Variants in SLC9A2 observed in about 807,000 individuals in gnomAD.
SLC9A2 encodes solute carrier family 9 member A2, also known as sodium/hydrogen exchanger 2.
SLC9A2 carries 42 observed loss-of-function variants against 71.7 expected under a neutral mutation model. The ratio of observed to expected loss-of-function variants is 0.59; its 90% CI spans 0.46 to 0.76. The LOEUF (loss-of-function observed/expected upper bound fraction) is 0.76. SLC9A2 is among the 30% of genes least tolerant of loss of function. SLC9A2 has a pLI of 0.00. For synonymous variants in SLC9A2, 396 were observed against 392.5 expected, an observed-to-expected ratio of 1.01 and a Z score of -0.10; for missense variants, 829 against 1,017.4, an observed-to-expected ratio of 0.81 and a Z score of 2.52.
intron 1 of SLC9A2, among the ~76,000 whole-genome samples, chr2:102,640,948 G>A (rs545349473): frequency 2.6e-5 from 4 of 152,286 alleles, no homozygotes; most frequent in South Asian, 2.1e-4. Context: ...AACCAGACAC[G>A]AAGACTGAAT....
intron 3 of SLC9A2, among the ~76,000 whole-genome samples, chr2:102,674,895 G>C (rs753036319): frequency 1.3e-5 from 2 of 152,120 alleles, no homozygotes; most frequent in Non-Finnish European, 2.9e-5. Context: ...TGAAACCAGG[G>C]TCACAGAGAA....
intron 1 of SLC9A2, among the ~76,000 whole-genome samples, chr2:102,634,057 A>C (rs1188564799): frequency 1.3e-5 from 2 of 152,212 alleles, no homozygotes; most frequent in Admixed American, 1.3e-4. Flanking sequence ...TACAGACTCA[A>C]TAAGTAATTA....
chr2:102,667,040 G>A (rs957253572), intron 3 of SLC9A2, among the ~76,000 whole-genome samples: 1 of 152,200 alleles, frequency 6.6e-6, no homozygotes, highest in Non-Finnish European at 1.5e-5. Flanking sequence ...GGTGGAGGAA[G>A]TCGAAGACCC....
Position 102,660,465 on chromosome 2 carries a change from ATAAACTAC to A in SLC9A2, c.753+2441_753+2448del, listed in dbSNP as rs574429581. 5.3e-5 allele frequency among the ~76,000 whole-genome samples: 8 copies of A among 152,354 alleles called. No individual in the cohort carries two copies. The South Asian group carries it at 1.7e-3, about 32-fold the overall frequency. On this transcript the variant is annotated intron_variant, in intron 2 of 11. Coordinates refer to ENST00000233969, the MANE Select transcript of SLC9A2 (RefSeq NM_003048.6). Reference sequence around the variant, plus strand: ...GGCATGCCCACAGGTTTGCCAAAGAATAAACTACTAGACGTTTCTCTCGCTGAATTGTC... The same window carrying A: ...GGCATGCCCACAGGTTTGCCAAAGAATAGACGTTTCTCTCGCTGAATTGTC...
chr2:102,650,330 G>C (rs1412915809), intron 1 of SLC9A2, among the ~76,000 whole-genome samples: 4 of 151,994 alleles, frequency 2.6e-5, no homozygotes, highest in Non-Finnish European at 1.5e-5. Context: ...TTGGTGGGGT[G>C]GGGGGCAAGA....
intron 1 of SLC9A2, among the ~76,000 whole-genome samples, chr2:102,627,145 CA>C (rs1558699637): frequency 8.2e-6 from 1 of 122,670 alleles, no homozygotes; most frequent in Non-Finnish European, 1.9e-5. Flanking sequence ...ACAACAACAA[CA>C]ACAACAATAA....
chr2:102,690,074 A>G (rs1677629081), intron 5 of SLC9A2, among the ~76,000 whole-genome samples: 1 of 152,180 alleles, frequency 6.6e-6, no homozygotes, highest in Admixed American at 6.5e-5. Flanking sequence ...ATAAACATAG[A>G]AAGAATACAG....
chr2:102,690,968 C>CAA lies in SLC9A2; in HGVS notation c.1426-3428_1426-3427dup, dbSNP rs57709703. Among the ~76,000 whole-genome samples the CAA allele has an allele frequency of 9.5e-4, 125 of 131,224 alleles. 1 individual carries two copies. Among genetic ancestry groups the CAA allele is most frequent in the East Asian group, 6.4e-3 (29 of 4,566 alleles). 86.1% of individuals were successfully genotyped at this position (131,224 alleles called of 152,430 possible). A position where few individuals can be genotyped will look rare whatever the true frequency, so the allele number is the denominator to read the frequency against. ...ACACAAAACAAGAACTCATTTTCTT[C>CAA]AAAAAAAAAAAAAAAAAAAGATGAA... On this transcript the variant is annotated intron_variant, in intron 5 of 11. Coordinates refer to ENST00000233969, the MANE Select transcript of SLC9A2 (RefSeq NM_003048.6).
intron 3 of SLC9A2, among the ~76,000 whole-genome samples, chr2:102,671,863 T>C (rs544270523): frequency 1.3e-5 from 2 of 152,130 alleles, no homozygotes; most frequent in Admixed American, 6.5e-5. Flanking sequence ...CCCAGCACTC[T>C]GGGAGGCTGA....
chr2:102,670,595 C>T (rs1408114229), intron 3 of SLC9A2, among the ~76,000 whole-genome samples: 4 of 123,052 alleles, frequency 3.3e-5, no homozygotes, highest in African/African-American at 6.7e-5. Context: ...TCCCCTCCCC[C>T]CACCAAAAAA....
chr2:102,708,291 C>G lies in SLC9A2; in HGVS notation c.2241C>G (p.Pro747=), dbSNP rs1678024626. The G allele has an allele frequency of 6.2e-7, 1 of 1,614,156 alleles. No individual in the cohort carries two copies. Residue 747 remains proline (P), a synonymous_variant, in exon 12 of 12, where the codon CCC becomes CCG. Transcript: ENST00000233969. Reference sequence around the variant, plus strand: ...CTGGCCGAGATATGCCCAGCACCCCCCCAACACCCCACAGCAGAGAAAAGG... The same window carrying G: ...CTGGCCGAGATATGCCCAGCACCCCGCCAACACCCCACAGCAGAGAAAAGG... ...VDSGRDMPST[P]PTPHSREKGT... is the part of the protein sequence containing the mutation.
chr2:102,684,438 G>T (rs1299455667), intron 5 of SLC9A2, 102 bp downstream of exon 5: 2 of 1,059,500 alleles, frequency 1.9e-6, no homozygotes, highest in Non-Finnish European at 2.9e-6. Flanking sequence ...TGAAACTTTG[G>T]TAGTTAATTA....
chr2:102,694,709 C>T (rs1677720876), intron 6 of SLC9A2, among the ~76,000 whole-genome samples: 1 of 152,132 alleles, frequency 6.6e-6, no homozygotes, highest in African/African-American at 2.4e-5. Context: ...TACTAAACTC[C>T]TGCATGAGTA....
chr2:102,656,479 C>T (rs549290029), intron 1 of SLC9A2, among the ~76,000 whole-genome samples: 1 of 152,178 alleles, frequency 6.6e-6, no homozygotes. Context: ...CCACACTTTG[C>T]CTTGTATTAG....
intron 1 of SLC9A2, among the ~76,000 whole-genome samples, chr2:102,621,014 G>A (rs1190703356): frequency 2.0e-5 from 3 of 152,022 alleles, no homozygotes; most frequent in Non-Finnish European, 4.4e-5. Context: ...AAAATTAGCC[G>A]GGCGTGGTGG....
At chr2:102,666,138 A>AG (rs397746266) in intron 3 of SLC9A2, among the ~76,000 whole-genome samples, 1 of 73,628 alleles carries the variant, frequency 1.4e-5, no homozygotes, top group East Asian at 8.3e-4. Flanking sequence ...ATAACAGCTT[A>AG]GTCATTCAAA....
intron 1 of SLC9A2, among the ~76,000 whole-genome samples, chr2:102,631,876 T>G (rs552449855): frequency 2.0e-5 from 3 of 150,910 alleles, no homozygotes; most frequent in South Asian, 4.2e-4. Flanking sequence ...TTGGGAAAGA[T>G]AGCCCTGGAT....
At position 102,711,145 on chromosome 2, in the gene SLC9A2, A is replaced by C. The variant is rs914869797; in HGVS notation, c.*2656A>C. The stretch of plus-strand genomic sequence containing the variant: ...CTGGGCGGTGAGGGTATTGATTTAC[A>C]TAAAAACTGTAGACAAACACAGTAC... On this transcript the variant is annotated 3_prime_UTR_variant, in exon 12 of 12. Transcript: ENST00000233969. 6 of 152,476 alleles carry C rather than the reference A, an allele frequency of 3.9e-5. No homozygotes were observed. The highest frequency in any genetic ancestry group is 7.3e-5 in the Non-Finnish European group (5 of 68,036). The allele number at this position is 152,476 out of a possible 1,614,324, so 9.4% of individuals were successfully genotyped here.
At chr2:102,640,145 A>G (rs1190073463) in intron 1 of SLC9A2, among the ~76,000 whole-genome samples, 1 of 152,192 alleles carries the variant, frequency 6.6e-6, no homozygotes, top group Non-Finnish European at 1.5e-5. Flanking sequence ...TACAATACCT[A>G]AGGAAACGAG....
Sources: allele counts gnomAD v4.1 joint callset (sites outside exome capture counted in the v4.1 genomes callset), GRCh38; gene constraint gnomAD v4.1.1; transcripts MANE v1.5; gene names NCBI Gene and HGNC (gene_info 2026-07-23, HGNC 2026-07-21).